ARID1B: variants seen among roughly 807,000 people sequenced by gnomAD.
The protein encoded by ARID1B is AT-rich interaction domain 1B, also known as AT-rich interactive domain-containing protein 1B.
ARID1B carries 30 observed loss-of-function variants against 212.3 expected under a neutral mutation model. That is an observed-to-expected ratio of 0.14 (90% CI 0.11 to 0.19). The LOEUF is 0.19. Among genes scored for constraint, ARID1B ranks in the 10% least tolerant of loss-of-function variants. The pLI is 1.00. For synonymous variants in ARID1B, 1,402 were observed against 1,301.7 expected (o/e 1.08, Z -1.66); for missense variants, 2,891 against 3,204.0 (o/e 0.90, Z 2.36).
At chr6:156,781,949 A>C in intron 1 of ARID1B, among the ~76,000 whole-genome samples, 1 of 84,762 alleles carries the variant, frequency 1.2e-5, no homozygotes, top group South Asian at 4.2e-4. Context: ...TGAATCCATT[A>C]TGTCCCTATG....
At chr6:157,154,632 T>G (rs2128652666) in intron 8 of ARID1B, among the ~76,000 whole-genome samples, 1 of 143,766 alleles carries the variant, frequency 7.0e-6, no homozygotes, top group East Asian at 2.1e-4. Flanking sequence ...CAGGCTGGAG[T>G]GCAGTTGCAC....
At chr6:156,777,147 G>C (rs1187817284), upstream of ARID1B, 1 of 152,396 alleles carries the variant, frequency 6.6e-6, no homozygotes, top group Non-Finnish European at 1.5e-5. Flanking sequence ...AGCGGCCCGG[G>C]GGGAAAGTGC....
At chr6:157,136,873 C>G (rs73021538) in intron 7 of ARID1B, among the ~76,000 whole-genome samples, 6,590 of 151,296 alleles carry the variant, frequency 0.044, 209 homozygotes, top group Non-Finnish European at 0.069. Flanking sequence ...AAAAAAACAA[C>G]AACAACAACA....
In ARID1B at chr6:156,896,600, A is replaced by AG. The variant is rs1562467391; in HGVS notation, c.1987-4775dup. On this transcript the variant is annotated intron_variant, in intron 2 of 19. Transcript: ENST00000636930. Reference sequence around the variant, plus strand: ...TCAAAAAAAAAAAAAAAAAAAAAAAAGAGGACACAGTGGCTCACGCCTGTA... The same window carrying AG: ...TCAAAAAAAAAAAAAAAAAAAAAAAAGGAGGACACAGTGGCTCACGCCTGTA... Among the ~76,000 whole-genome samples the AG allele has an allele frequency of 8.0e-4, 117 of 146,396 alleles. 1 individual carries two copies. The highest frequency in any genetic ancestry group is 2.8e-3 in the African/African-American group (109 of 38,912).
At chr6:156,852,310 C>T (rs758319006) in intron 2 of ARID1B, among the ~76,000 whole-genome samples, 113 of 152,052 alleles carry the variant, frequency 7.4e-4, no homozygotes, top group African/African-American at 2.3e-3. Context: ...ATTAGCAGGG[C>T]GTGGTGATGT....
chr6:156,908,459 G>A (rs1170966379), intron 3 of ARID1B, among the ~76,000 whole-genome samples: 1 of 151,980 alleles, frequency 6.6e-6, no homozygotes, highest in Non-Finnish European at 1.5e-5. Flanking sequence ...AAGTGACTTG[G>A]TCTTTATTGT....
intron 1 of ARID1B, among the ~76,000 whole-genome samples, chr6:156,785,652 C>A (rs1369896312): frequency 6.6e-6 from 1 of 152,168 alleles, no homozygotes; most frequent in African/African-American, 2.4e-5. Context: ...CCATCATCAT[C>A]TATCCCCAGA....
chr6:156,800,354 C>T (rs747540560), intron 1 of ARID1B, among the ~76,000 whole-genome samples: 38 of 151,950 alleles, frequency 2.5e-4, no homozygotes, highest in Non-Finnish European at 4.4e-4. Flanking sequence ...TTTGGGAGGC[C>T]GAGGCGGGTG....
chr6:156,848,291 C>T (rs1784357090), intron 2 of ARID1B, among the ~76,000 whole-genome samples: 2 of 152,136 alleles, frequency 1.3e-5, no homozygotes, highest in Admixed American at 1.3e-4. Context: ...AGTGCCAAGA[C>T]CAGTGTGAAA....
intron 2 of ARID1B, among the ~76,000 whole-genome samples, chr6:156,897,972 T>G (rs557332447): frequency 6.6e-6 from 1 of 152,316 alleles, no homozygotes; most frequent in South Asian, 2.1e-4. Flanking sequence ...GAGCTTATAT[T>G]CTAGTGATGA....
chr6:157,205,526 A>T (rs1794378184), intron 19 of ARID1B: 1 of 152,252 alleles, frequency 6.6e-6, no homozygotes, highest in Non-Finnish European at 1.5e-5. Context: ...GAAATGTAAA[A>T]TTGCATTTTA....
At chr6:156,898,704 A>G (rs935370980) in intron 2 of ARID1B, among the ~76,000 whole-genome samples, 3 of 152,164 alleles carry the variant, frequency 2.0e-5, no homozygotes, top group Admixed American at 1.3e-4. Context: ...GGGTGCGGTG[A>G]CTCACATCTG....
Position 156,777,730 on chromosome 6 carries a change from G to A in ARID1B, c.50G>A (p.Arg17Gln), listed in dbSNP as rs1021302619. 1 of 197,250 alleles carries A rather than the reference G, an allele frequency of 5.1e-6. No individual in the cohort carries two copies. Among genetic ancestry groups the A allele is most frequent in the Non-Finnish European group, 8.6e-6 (1 of 115,948 alleles). The allele number at this position is 197,250 out of a possible 1,614,324, so 12.2% of individuals were successfully genotyped here. The change falls in exon 1 of 20, where the codon CGG (arginine) becomes CAG (glutamine). Residue 17 changes from arginine (R) to glutamine (Q), a missense_variant. Transcript: ENST00000636930. ...AAAAAAAARA[R>Q]ARAGSGERRA... Reference sequence around the variant, plus strand: ...GCGGCGGCGGCGGCGGCGCGGGCGCGGGCGCGGGCAGGCAGCGGCGAACGG... The same window carrying A: ...GCGGCGGCGGCGGCGGCGCGGGCGCAGGCGCGGGCAGGCAGCGGCGAACGG...
At position 157,203,792 on chromosome 6, in the gene ARID1B, A is replaced by T; in HGVS notation, c.5264-74A>T. 5.8e-6 allele frequency: 9 copies of T among 1,549,488 alleles called. No homozygotes were observed. In the Admixed American group the frequency reaches 8.7e-5, roughly 15 times the overall value. On this transcript the variant is annotated intron_variant, in intron 18 of 19. Transcript: ENST00000636930. This position sits in a 1 kb window ranked among gnomAD's most constrained non-coding sequence, Gnocchi z 4.4. ...CTTAACACTCCACTTATTTTTTCTT[A>T]CTCTTTCGTTAACTTTCGTTCTTTC...
chr6:156,778,193 CCAT>C lies in ARID1B; in HGVS notation c.514_516del (p.His172del). 1.3e-6 allele frequency: 2 copies of C among 1,540,150 alleles called. No individual in the cohort carries two copies. Among genetic ancestry groups the C allele is most frequent in the Non-Finnish European group, 1.7e-6 (2 of 1,146,014 alleles). ...CCCACCAGCAGCACCACCACCACCA[CCAT>C]GCCCACCACCACCACCACCATGCCC... On this transcript the variant is annotated inframe_deletion, in exon 1 of 20. Transcript: ENST00000636930.
intron 5 of ARID1B, among the ~76,000 whole-genome samples, chr6:157,095,323 G>C (rs999396384): frequency 6.6e-6 from 1 of 152,172 alleles, no homozygotes; most frequent in Non-Finnish European, 1.5e-5. Flanking sequence ...TGAGCTAATC[G>C]GTCTGACACG....
intron 4 of ARID1B, among the ~76,000 whole-genome samples, chr6:156,953,631 C>T (rs547387684): frequency 2.0e-5 from 3 of 151,818 alleles, no homozygotes; most frequent in Admixed American, 6.6e-5. Flanking sequence ...TGGTACCGTC[C>T]GCCTCATAAC....
chr6:157,052,844 C>T (rs1041044856), intron 4 of ARID1B, among the ~76,000 whole-genome samples: 16 of 152,114 alleles, frequency 1.1e-4, no homozygotes, highest in African/African-American at 3.6e-4. Context: ...CTCGGCCTCC[C>T]GAGTAGCTGG....
intron 8 of ARID1B, among the ~76,000 whole-genome samples, chr6:157,163,753 G>A (rs1428325180): frequency 1.3e-5 from 2 of 152,218 alleles, no homozygotes; most frequent in Non-Finnish European, 2.9e-5. Context: ...ACACCCTCTG[G>A]TTTGTCATCT....
Sources: allele counts gnomAD v4.1 joint callset (sites outside exome capture counted in the v4.1 genomes callset), GRCh38; gene constraint gnomAD v4.1.1; non-coding constraint Gnocchi (gnomAD v3.1); transcripts MANE v1.5; gene names NCBI Gene and HGNC (gene_info 2026-07-23, HGNC 2026-07-21).